Variants in ARB2A observed in about 807,000 individuals in gnomAD.
ARB2A encodes ARB2 cotranscriptional regulator A, also known as cotranscriptional regulator ARB2A.
At chr5:93,772,225 A>G in the ARB2A span, among the ~76,000 whole-genome samples, 1 of 152,014 alleles carries the variant, frequency 6.6e-6, no homozygotes, top group African/African-American at 2.4e-5. Flanking sequence ...CAAACACTGC[A>G]TGTTCTCACT....
chr5:93,945,403 A>G, the ARB2A span, among the ~76,000 whole-genome samples: 1 of 150,534 alleles, frequency 6.6e-6, no homozygotes, highest in African/African-American at 2.4e-5. Context: ...CGACAGAGCA[A>G]GATTCCATCT....
At chr5:93,765,213 G>A in the ARB2A span, among the ~76,000 whole-genome samples, 1 of 152,098 alleles carries the variant, frequency 6.6e-6, no homozygotes, top group Admixed American at 6.6e-5. Flanking sequence ...GGCAGGAGAA[G>A]GAAATAAAGG....
the ARB2A span, among the ~76,000 whole-genome samples, chr5:94,046,032 G>A: frequency 6.6e-6 from 1 of 152,132 alleles, no homozygotes; most frequent in Non-Finnish European, 1.5e-5. Flanking sequence ...GACAGATGGA[G>A]GTGGGATACA....
chr5:94,072,854 A>T, the ARB2A span, among the ~76,000 whole-genome samples: 4 of 152,162 alleles, frequency 2.6e-5, no homozygotes, highest in African/African-American at 9.7e-5. Flanking sequence ...TATAACAGTC[A>T]TCACCATCTT....
At chr5:93,715,290 A>C in the ARB2A span, among the ~76,000 whole-genome samples, 2 of 152,170 alleles carry the variant, frequency 1.3e-5, no homozygotes, top group African/African-American at 4.8e-5. Context: ...CTATAGCTAA[A>C]TTTTTTTAAA....
At chr5:93,863,690 T>G in the ARB2A span, 1 of 152,112 alleles carries the variant, frequency 6.6e-6, no homozygotes, top group Non-Finnish European at 1.5e-5. Context: ...TTCAAAAATG[T>G]TGAAATATCT....
the ARB2A span, among the ~76,000 whole-genome samples, chr5:94,017,258 C>T: frequency 2.0e-5 from 3 of 152,110 alleles, no homozygotes; most frequent in African/African-American, 7.2e-5. Flanking sequence ...GATAGCTTGG[C>T]TGGATACAGT....
chr5:93,705,319 G>A, the ARB2A span, among the ~76,000 whole-genome samples: 4 of 152,138 alleles, frequency 2.6e-5, no homozygotes, highest in African/African-American at 7.2e-5. Flanking sequence ...ATATTTTAAT[G>A]TCTTAAGAAA....
the ARB2A span, among the ~76,000 whole-genome samples, chr5:93,983,056 AC>A: frequency 2.2e-4 from 34 of 152,186 alleles, no homozygotes; most frequent in Non-Finnish European, 4.4e-4. Flanking sequence ...ACTCCGATAC[AC>A]ACCTAAACAT....
the ARB2A span, among the ~76,000 whole-genome samples, chr5:93,772,240 G>C: frequency 6.6e-6 from 1 of 152,060 alleles, no homozygotes; most frequent in Non-Finnish European, 1.5e-5. Context: ...CTCACTCATA[G>C]GTGGGAATTG....
chr5:93,931,390 G>C, the ARB2A span, among the ~76,000 whole-genome samples: 1 of 152,138 alleles, frequency 6.6e-6, no homozygotes, highest in Admixed American at 6.5e-5. Context: ...CTTGAACCCA[G>C]GAGGCGGAGA....
At chr5:93,818,889 A>G in the ARB2A span, among the ~76,000 whole-genome samples, 1 of 152,182 alleles carries the variant, frequency 6.6e-6, no homozygotes, top group Non-Finnish European at 1.5e-5. Flanking sequence ...TTAGTAAAAG[A>G]GTTAAGGTTT....
chr5:94,063,052 T>C, the ARB2A span, among the ~76,000 whole-genome samples: 1 of 152,178 alleles, frequency 6.6e-6, no homozygotes, highest in Non-Finnish European at 1.5e-5. Context: ...CTCCCTAGCA[T>C]AGGGCGGTGG....
the ARB2A span, among the ~76,000 whole-genome samples, chr5:94,051,876 C>G: frequency 2.6e-5 from 4 of 152,096 alleles, no homozygotes; most frequent in African/African-American, 7.2e-5. Context: ...CTGGAGAGTA[C>G]AGTGGCCCAA....
chr5:93,881,223 T>C, the ARB2A span: 1 of 304,596 alleles, frequency 3.3e-6, no homozygotes, highest in South Asian at 5.2e-5. Context: ...TTTCTTGAGG[T>C]AGTATATGAC....
chr5:93,776,202 T>A, the ARB2A span: 1 of 1,612,402 alleles, frequency 6.2e-7, no homozygotes, highest in Admixed American at 1.7e-5. Context: ...ACTCCACTGA[T>A]GTGTCTAATG....
At chr5:94,077,657 T>G in the ARB2A span, among the ~76,000 whole-genome samples, 58 of 152,290 alleles carry the variant, frequency 3.8e-4, 1 homozygote, top group African/African-American at 1.4e-3. Context: ...TGTTGGCACA[T>G]TTGATATATA....
At chr5:93,635,411 C>T in the ARB2A span, among the ~76,000 whole-genome samples, 1 of 151,382 alleles carries the variant, frequency 6.6e-6, no homozygotes, top group Non-Finnish European at 1.5e-5. Context: ...TAGCTCATAC[C>T]AACTACTCCC....
chr5:93,617,902 T>C, the ARB2A span, among the ~76,000 whole-genome samples: 11 of 152,282 alleles, frequency 7.2e-5, no homozygotes, highest in African/African-American at 2.6e-4. Flanking sequence ...CAACTAAAGT[T>C]AGGATATTAC....
Sources: gnomAD v4.1 joint callset for allele counts (sites outside exome capture counted in the v4.1 genomes callset) on GRCh38, gnomAD v4.1.1 for gene constraint, MANE v1.5 for transcripts, NCBI Gene and HGNC (gene_info 2026-07-23, HGNC 2026-07-21) for gene names.